GSTCD: variants seen among roughly 807,000 people sequenced by gnomAD.
GSTCD encodes glutathione S-transferase C-terminal domain-containing protein.
Under a neutral mutation model 68.3 loss-of-function variants are expected in GSTCD, and 44 were observed. That is an observed-to-expected ratio of 0.64 (90% CI 0.51 to 0.83). The LOEUF (loss-of-function observed/expected upper bound fraction) is 0.83, where lower values mean the gene tolerates loss of function less well. GSTCD is among the 40% of genes least tolerant of loss of function. The probability of loss-of-function intolerance (pLI) is 0.00; values close to 1 mark genes in which losing one functional copy is unlikely to be tolerated. For synonymous variants in GSTCD, 273 were observed against 255.2 expected (o/e 1.07, Z -0.67); for missense variants, 739 against 735.9 (o/e 1.00, Z -0.05).
At chr4:105,761,935 C>G (rs1268076117) in intron 5 of GSTCD, 1 of 152,194 alleles carries the variant, frequency 6.6e-6, no homozygotes, top group Non-Finnish European at 1.5e-5. Flanking sequence ...CTCATTTACT[C>G]TTCTCAGGGA....
Position 105,719,243 on chromosome 4 carries a change from A to G in GSTCD, c.610A>G (p.Lys204Glu), listed in dbSNP as rs1165930462. 3 of 1,614,114 alleles carry G rather than the reference A, an allele frequency of 1.9e-6. No individual in the cohort carries two copies. The highest frequency in any genetic ancestry group is 2.5e-6 in the Non-Finnish European group (3 of 1,180,006). ...CCGCAGGCAGAAGCTCAAGCAACAG[A>G]AGGCTGATGGAGTTGGGCCTCCCCT... Reference protein sequence around the residue: ...KLRRQKLKQQKADGVGPPLTK... With the variant: ...KLRRQKLKQQEADGVGPPLTK... The change falls in exon 3 of 12, where the codon AAG becomes GAG. Residue 204 changes from lysine to glutamate, a missense_variant. Coordinates refer to ENST00000515279, the MANE Select transcript of GSTCD (RefSeq NM_001370181.1).
intron 5 of GSTCD, among the ~76,000 whole-genome samples, chr4:105,774,201 G>T (rs1466407609): frequency 6.6e-6 from 1 of 152,042 alleles, no homozygotes; most frequent in South Asian, 2.1e-4. Flanking sequence ...CTTTCCATTT[G>T]CTTGGTAAAT....
chr4:105,733,918 A>G (rs926330007), intron 5 of GSTCD, among the ~76,000 whole-genome samples: 1 of 152,078 alleles, frequency 6.6e-6, no homozygotes, highest in African/African-American at 2.4e-5. Context: ...CTTGTCTGTA[A>G]CGGATTTTAT....
chr4:105,835,503 G>T (rs1036852787), intron 9 of GSTCD, among the ~76,000 whole-genome samples: 1 of 152,114 alleles, frequency 6.6e-6, no homozygotes, highest in East Asian at 1.9e-4. Flanking sequence ...TCCACTGTGA[G>T]CACTAGGGAA....
intron 5 of GSTCD, among the ~76,000 whole-genome samples, chr4:105,750,955 G>C (rs1733990911): frequency 6.6e-6 from 1 of 152,146 alleles, no homozygotes; most frequent in African/African-American, 2.4e-5. Context: ...AGAAAGATTG[G>C]GAATAGATTA....
intron 5 of GSTCD, among the ~76,000 whole-genome samples, chr4:105,796,300 T>C (rs759645405): frequency 6.6e-6 from 1 of 152,146 alleles, no homozygotes; most frequent in Non-Finnish European, 1.5e-5. Flanking sequence ...CAGGAAAGAA[T>C]TGACCCCATG....
intron 5 of GSTCD, among the ~76,000 whole-genome samples, chr4:105,811,234 T>A (rs112909892): frequency 2.1e-3 from 322 of 152,256 alleles, no homozygotes; most frequent in Non-Finnish European, 4.1e-3. Context: ...TAGAACTCAC[T>A]ATTTTTCTCT....
intron 3 of GSTCD, 177 bp downstream of exon 3, chr4:105,719,704 A>T (rs1368709183): frequency 1.7e-6 from 1 of 572,326 alleles, no homozygotes; most frequent in Non-Finnish European, 3.1e-6. Flanking sequence ...TAAAAGGAAA[A>T]ATGTAAGGAA....
chr4:105,821,725 T>A (rs1723301990), intron 5 of GSTCD, among the ~76,000 whole-genome samples: 2 of 151,928 alleles, frequency 1.3e-5, no homozygotes. Context: ...TGGAAAGATA[T>A]TTACAATATT....
At chr4:105,758,217 C>G (rs1026555224) in intron 5 of GSTCD, among the ~76,000 whole-genome samples, 1 of 152,162 alleles carries the variant, frequency 6.6e-6, no homozygotes, top group African/African-American at 2.4e-5. Context: ...TTATCATTAT[C>G]GCAGATAACA....
At chr4:105,741,537 GT>G (rs1338107157) in intron 5 of GSTCD, among the ~76,000 whole-genome samples, 1 of 152,150 alleles carries the variant, frequency 6.6e-6, no homozygotes, top group Non-Finnish European at 1.5e-5. Context: ...TGAAAACAGA[GT>G]TTTCTAAATG....
At chr4:105,817,020 A>T (rs1457911455) in intron 5 of GSTCD, among the ~76,000 whole-genome samples, 1 of 151,992 alleles carries the variant, frequency 6.6e-6, no homozygotes, top group Non-Finnish European at 1.5e-5. Context: ...AGTATCCATC[A>T]TTTTAGGAAC....
intron 5 of GSTCD, among the ~76,000 whole-genome samples, chr4:105,822,517 T>G (rs116028937): frequency 6.6e-6 from 1 of 152,074 alleles, no homozygotes; most frequent in Non-Finnish European, 1.5e-5. Flanking sequence ...TTAAGCAATG[T>G]GTTGAAATTA....
At chr4:105,835,709 T>C (rs536953703) in intron 9 of GSTCD, among the ~76,000 whole-genome samples, 2 of 152,294 alleles carry the variant, frequency 1.3e-5, no homozygotes, top group South Asian at 4.1e-4. Flanking sequence ...ATGTGAGCCC[T>C]GTTTGTGTTA....
intron 1 of GSTCD, among the ~76,000 whole-genome samples, chr4:105,715,485 A>G (rs1732656152): frequency 6.6e-6 from 1 of 152,074 alleles, no homozygotes; most frequent in Non-Finnish European, 1.5e-5. Flanking sequence ...GAAGTAACAA[A>G]TCATGGTATA....
In GSTCD at chr4:105,748,575, A is replaced by G. The variant is rs761557334; in HGVS notation, c.1240+19076A>G. 4.1e-4 allele frequency among the ~76,000 whole-genome samples: 62 copies of G among 152,262 alleles called. 1 individual carries two copies. The highest frequency in any genetic ancestry group is 3.4e-3 in the Middle Eastern group (1 of 294). On this transcript the variant is annotated intron_variant, in intron 5 of 11. Coordinates refer to ENST00000515279, the MANE Select transcript of GSTCD (RefSeq NM_001370181.1). ...AAATTAAATGCCTCTAAACAATTCT[A>G]TATATAAATATGGGCACAATTTATA...
chr4:105,834,327 A>G, intron 8 of GSTCD, 134 bp from the exon 9 acceptor site: 1 of 660,106 alleles, frequency 1.5e-6, no homozygotes, highest in Non-Finnish European at 2.5e-6. Context: ...AAACTTGCTT[A>G]GTTTTCATAA....
rs186411235 is a variant in GSTCD, at chr4:105,723,872, G to T, written c.895-2707G>T. ...ATACTGACTGAGGGGATTACTCTCT[G>T]AAGGTAACAAATGGATTCTTTATCA... On this transcript the variant is annotated intron_variant, in intron 3 of 11. Transcript: ENST00000515279. Among the ~76,000 whole-genome samples the T allele has an allele frequency of 3.7e-3, 567 of 151,836 alleles. 3 individuals carry two copies. Among genetic ancestry groups the T allele is most frequent in the Non-Finnish European group, 6.4e-3 (431 of 67,690 alleles).
At chr4:105,729,347 A>T (rs1295784774) in intron 4 of GSTCD, 59 bp from the exon 5 acceptor site, 2 of 1,038,402 alleles carry the variant, frequency 1.9e-6, no homozygotes, top group Non-Finnish European at 2.8e-6. Context: ...TTAGCCTTCA[A>T]TAATATAATA....
Sources: allele counts gnomAD v4.1 joint callset (sites outside exome capture counted in the v4.1 genomes callset), GRCh38; gene constraint gnomAD v4.1.1; transcripts MANE v1.5; gene names NCBI Gene and HGNC (gene_info 2026-07-23, HGNC 2026-07-21).